The following ZNF831 variants were observed in gnomAD, a reference collection of about 807,000 sequenced individuals.
ZNF831 encodes the protein chromosome 20 open reading frame 174.
ZNF831 carries 59 observed loss-of-function variants against 95.8 expected under a neutral mutation model. The ratio of observed to expected loss-of-function variants is 0.62; its 90% CI spans 0.50 to 0.77. ZNF831 has a LOEUF of 0.77. Among genes scored for constraint, ZNF831 ranks in the 30% least tolerant of loss-of-function variants. The pLI, the probability that ZNF831 is intolerant of heterozygous loss-of-function variation, is 0.00. For synonymous variants in ZNF831, 961 were observed against 925.5 expected, an observed-to-expected ratio of 1.04 and a Z score of -0.70; for missense variants, 2,205 against 2,164.0, an observed-to-expected ratio of 1.02 and a Z score of -0.38.
intron 1 of ZNF831, among the ~76,000 whole-genome samples, chr20:59,134,020 A>G: frequency 6.6e-6 from 1 of 152,198 alleles, no homozygotes; most frequent in Non-Finnish European, 1.5e-5. Flanking sequence ...AACACCTCAC[A>G]GCTCAGATGC....
intron 1 of ZNF831, among the ~76,000 whole-genome samples, chr20:59,143,506 G>A (rs1166516259): frequency 6.6e-6 from 1 of 152,172 alleles, no homozygotes; most frequent in Non-Finnish European, 1.5e-5. Flanking sequence ...TCCTGGGCTG[G>A]GCCTTGCCTT....
chr20:59,201,906 A>C (rs1298423514), intron 3 of ZNF831, among the ~76,000 whole-genome samples: 2 of 152,250 alleles, frequency 1.3e-5, no homozygotes, highest in African/African-American at 4.8e-5. Context: ...TTTTTCATAC[A>C]GGCTCAAAGG....
chr20:59,186,134 C>T (rs913616416), intron 1 of ZNF831, among the ~76,000 whole-genome samples: 8 of 152,210 alleles, frequency 5.3e-5, no homozygotes, highest in African/African-American at 1.9e-4. Flanking sequence ...CTGGTGTCCC[C>T]CAGTGGGATT....
At chr20:59,137,292 T>TG (rs1979539592) in intron 1 of ZNF831, among the ~76,000 whole-genome samples, 2 of 138,094 alleles carry the variant, frequency 1.4e-5, no homozygotes, top group African/African-American at 5.2e-5. Flanking sequence ...TTTTTTTTTT[T>TG]TGTGATCAAT....
At chr20:59,230,598 A>G (rs553364004) in intron 4 of ZNF831, among the ~76,000 whole-genome samples, 1 of 152,398 alleles carries the variant, frequency 6.6e-6, no homozygotes, top group African/African-American at 2.4e-5. Context: ...CTTTATTTAC[A>G]TAAACAGAAT....
Position 59,181,771 on chromosome 20 carries a change from C to A in ZNF831, c.-36-9213C>A, listed in dbSNP as rs909288499. On this transcript the variant is annotated intron_variant, in intron 1 of 5. Coordinates refer to ENST00000371030, the MANE Select transcript of ZNF831 (RefSeq NM_178457.3). ...TACCATGCTGTTTTGGTTACTGTAG[C>A]CTTGTAGTATAGTTTTTCTCATTCT... is the stretch of plus-strand genomic sequence containing the variant. Among the ~76,000 whole-genome samples the A allele has an allele frequency of 3.3e-5, 4 of 120,120 alleles. No homozygotes were observed. The South Asian group carries it at 6.9e-4, about 21-fold the overall frequency. 78.8% of individuals were successfully genotyped at this position (120,120 alleles called of 152,430 possible). A position where few individuals can be genotyped will look rare whatever the true frequency, so the allele number is the denominator to read the frequency against.
chr20:59,252,798 T>C (rs1387996662), intron 4 of ZNF831, among the ~76,000 whole-genome samples, 180 bp from the exon 5 acceptor site: 1 of 152,228 alleles, frequency 6.6e-6, no homozygotes, highest in Admixed American at 6.5e-5. Flanking sequence ...ATAGAGTGGA[T>C]ATATTTTATT....
intron 1 of ZNF831, among the ~76,000 whole-genome samples, chr20:59,168,555 C>T (rs1981478021): frequency 6.8e-6 from 1 of 146,376 alleles, no homozygotes; most frequent in African/African-American, 2.5e-5. Flanking sequence ...TTCCTGCTTG[C>T]AAGTCTTTCC....
chr20:59,230,904 C>T (rs893626945), intron 4 of ZNF831, among the ~76,000 whole-genome samples: 4 of 152,180 alleles, frequency 2.6e-5, no homozygotes, highest in Non-Finnish European at 2.9e-5. Flanking sequence ...AAATAACCAC[C>T]GGGTGAGAGC....
At chr20:59,158,761 T>A (rs758003143) in intron 2 of ZNF831, among the ~76,000 whole-genome samples, 2 of 152,196 alleles carry the variant, frequency 1.3e-5, no homozygotes, top group Non-Finnish European at 2.9e-5. Flanking sequence ...TTTAATAAAC[T>A]TTTTATTTTG....
intron 4 of ZNF831, among the ~76,000 whole-genome samples, chr20:59,212,136 T>G (rs964461923): frequency 1.3e-5 from 2 of 152,234 alleles, no homozygotes; most frequent in Non-Finnish European, 2.9e-5. Context: ...TCTTCTTTAT[T>G]TTTTGGAGAC....
intron 5 of ZNF831, 28 bp from the exon 6 acceptor site, chr20:59,253,867 CACT>C: frequency 1.8e-6 from 2 of 1,142,318 alleles, no homozygotes; most frequent in Non-Finnish European, 2.3e-6. Context: ...CCTCCCCCCC[CACT>C]TTTTTTTTCC....
rs1232797369 is a variant in ZNF831 at position 59,196,111 on chromosome 20, AG to A, written c.3875+109del. 2.1e-6 allele frequency: 3 copies of A among 1,455,074 alleles called. No individual in the cohort carries two copies. The East Asian group carries it at 7.0e-5, about 34-fold the overall frequency. The allele number at this position is 1,455,074 out of a possible 1,614,324, so 90.1% of individuals were successfully genotyped here. On this transcript the variant is annotated intron_variant, in intron 3 of 5. Coordinates refer to ENST00000371030, the MANE Select transcript of ZNF831 (RefSeq NM_178457.3). The stretch of plus-strand genomic sequence containing the variant: ...TCCAGAGAAAGAGTTCCTGTTTCCT[AG>A]GGTTTAGAGCTTCATGATTAAAGGA...
chr20:59,199,886 A>G (rs1601387820), intron 3 of ZNF831, among the ~76,000 whole-genome samples: 2 of 152,200 alleles, frequency 1.3e-5, no homozygotes, highest in East Asian at 3.9e-4. Flanking sequence ...ATTCTTTAGA[A>G]TTTCCTTTAT....
At chr20:59,253,874 T>TTTTCC in intron 5 of ZNF831, 24 bp from the exon 6 acceptor site, 10 of 824,562 alleles carry the variant, frequency 1.2e-5, no homozygotes, top group East Asian at 5.4e-5. Context: ...CCCCACTTTT[T>TTTTCC]TTTTCCTTTG....
rs1985022499 is a variant in ZNF831, at chr20:59,208,008, C to G, written c.4027+952C>G. Among the ~76,000 whole-genome samples, 1 of 152,246 alleles carries G rather than the reference C, an allele frequency of 6.6e-6. No homozygotes were observed. The highest frequency in any genetic ancestry group is 1.5e-5 in the Non-Finnish European group (1 of 68,042). ...TCTGCTCCCCAACCCCCAGAGCCTT[C>G]CAGGGTAGGCAAGGACATGGAGTAG... On this transcript the variant is annotated intron_variant, in intron 4 of 5. Transcript: ENST00000371030. This position sits in a 1 kb window ranked among gnomAD's most constrained non-coding sequence, Gnocchi z 4.2.
rs548476995 is a variant in ZNF831, at chr20:59,231,106, C to T, written c.4028-21872C>T. Among the ~76,000 whole-genome samples, 3 of 152,308 alleles carry T rather than the reference C, an allele frequency of 2.0e-5. No homozygotes were observed. In the South Asian group the frequency reaches 6.2e-4, roughly 32 times the overall value. ...AAGAGGAAGGAGAGAGTACCTACTTCCCTGTAAGGACATGCGGTGGATATT... is the reference window on the plus strand; with the variant it reads ...AAGAGGAAGGAGAGAGTACCTACTTTCCTGTAAGGACATGCGGTGGATATT... On this transcript the variant is annotated intron_variant, in intron 4 of 5. Coordinates refer to ENST00000371030, the MANE Select transcript of ZNF831 (RefSeq NM_178457.3).
chr20:59,194,086 G>C lies in ZNF831; in HGVS notation c.3067G>C (p.Gly1023Arg), dbSNP rs372840406. ...PQDGRKGAQL[G>R]GDKGDRMATS... is the part of the protein sequence containing the mutation. ...GGATGGGAGAAAAGGGGCACAGTTGGGGGGGGACAAGGGGGACAGGATGGC... is the reference window on the plus strand; with the variant it reads ...GGATGGGAGAAAAGGGGCACAGTTGCGGGGGGACAAGGGGGACAGGATGGC... Residue 1023 changes from glycine to arginine, a missense_variant, in exon 2 of 6, where the codon GGG becomes CGG. By Grantham distance (125) the Gly-to-Arg change is moderately radical (BLOSUM62 -2). Coordinates refer to ENST00000371030, the MANE Select transcript of ZNF831 (RefSeq NM_178457.3). The C allele has an allele frequency of 3.9e-6, 6 of 1,541,164 alleles. No individual in the cohort carries two copies. The highest frequency in any genetic ancestry group is 1.3e-5 in the South Asian group (1 of 78,996).
intron 1 of ZNF831, among the ~76,000 whole-genome samples, chr20:59,135,322 C>G (rs568719002): frequency 3.7e-4 from 56 of 152,312 alleles, no homozygotes; most frequent in Admixed American, 6.5e-4. Context: ...TGTGGCAACT[C>G]ATGCCTGGAA....
Sources: gnomAD v4.1 joint callset for allele counts (sites outside exome capture counted in the v4.1 genomes callset) on GRCh38, gnomAD v4.1.1 for gene constraint, Gnocchi (gnomAD v3.1) non-coding constraint, MANE v1.5 for transcripts, NCBI Gene and HGNC (gene_info 2026-07-23, HGNC 2026-07-21) for gene names.